The following CSMD1 variants were observed in gnomAD, a reference collection of about 807,000 sequenced individuals.
CSMD1 encodes the protein CUB and sushi domain-containing protein 1.
Under a neutral mutation model 417.5 loss-of-function variants are expected in CSMD1, and 213 were observed. The ratio of observed to expected loss-of-function variants is 0.51; its 90% confidence interval spans 0.46 to 0.57. The LOEUF (loss-of-function observed/expected upper bound fraction) is 0.57, where lower values mean the gene tolerates loss of function less well. CSMD1 is among the 20% of genes least tolerant of loss of function. CSMD1 has a pLI of 0.00. For missense variants in CSMD1, 6,923 were observed against 4,529.7 expected (o/e 1.53, Z -15.17); for synonymous variants, 2,862 against 1,736.8 (o/e 1.65, Z -16.11).
intron 5 of CSMD1, among the ~76,000 whole-genome samples, chr8:3,925,236 G>A (rs2554623): frequency 0.9 from 136,692 of 152,256 alleles, 61,539 homozygotes; most frequent in East Asian, 0.97. Context: ...GCTTTACAGC[G>A]ACCTATAAGT....
At chr8:3,589,363 T>C (rs1007931688) in intron 8 of CSMD1, among the ~76,000 whole-genome samples, 27 of 143,278 alleles carry the variant, frequency 1.9e-4, no homozygotes, top group African/African-American at 7.1e-4. Flanking sequence ...GACTGAGAAA[T>C]GGATAAAGAA....
At chr8:3,960,710 CT>C (rs1295164970) in intron 5 of CSMD1, among the ~76,000 whole-genome samples, 1 of 151,688 alleles carries the variant, frequency 6.6e-6, no homozygotes, top group Non-Finnish European at 1.5e-5. Context: ...AGATATATTT[CT>C]TTTTAAGGAT....
chr8:4,140,869 G>C (rs1647360), intron 3 of CSMD1, among the ~76,000 whole-genome samples: 30,257 of 150,778 alleles, frequency 0.2, 3,598 homozygotes, highest in East Asian at 0.3. Flanking sequence ...GAGGGCATTT[G>C]GGAGATTGCT....
Position 3,214,628 on chromosome 8 carries a change from T to C in CSMD1, c.4736A>G (p.Asp1579Gly). ...NIMNGTRVGT[D>G]FKLGSTITYQ... ...GGTGATGGTGGAGCCAAGCTTGAAG[T>C]CTGTTCCAACTCTTGTCCCATTCAT... The change falls in exon 30 of 70, where the codon GAC becomes GGC. Residue 1579 changes from aspartate (D) to glycine (G), a missense_variant. By Grantham distance (94) the Asp-to-Gly change is moderately conservative. Coordinates refer to ENST00000635120, the MANE Select transcript of CSMD1 (RefSeq NM_033225.6). The C allele has an allele frequency of 6.4e-7, 1 of 1,555,562 alleles. No individual in the cohort carries two copies. Among genetic ancestry groups the C allele is most frequent in the Non-Finnish European group, 8.7e-7 (1 of 1,149,012 alleles).
intron 5 of CSMD1, among the ~76,000 whole-genome samples, chr8:3,805,925 G>A (rs1301047337): frequency 6.6e-6 from 1 of 152,124 alleles, no homozygotes; most frequent in Non-Finnish European, 1.5e-5. Flanking sequence ...TCACCAGAAA[G>A]CACTGACACA....
chr8:3,434,559 T>A (rs573861143), intron 12 of CSMD1, among the ~76,000 whole-genome samples: 1 of 152,232 alleles, frequency 6.6e-6, no homozygotes, highest in Non-Finnish European at 1.5e-5. Context: ...TCCTTCTAAA[T>A]AGTGAACATA....
intron 3 of CSMD1, among the ~76,000 whole-genome samples, chr8:4,354,865 A>AGTGC (rs1554442743): frequency 7.7e-6 from 1 of 129,426 alleles, no homozygotes; most frequent in South Asian, 2.9e-4. Context: ...AGGAAAATGT[A>AGTGC]GTGTGTGTGT....
chr8:3,561,608 C>G (rs1007434788), intron 10 of CSMD1, among the ~76,000 whole-genome samples: 1 of 152,096 alleles, frequency 6.6e-6, no homozygotes, highest in African/African-American at 2.4e-5. Flanking sequence ...ACAACAGACA[C>G]TGGTCACTCC....
intron 3 of CSMD1, among the ~76,000 whole-genome samples, chr8:4,416,563 C>A (rs1275992580): frequency 6.6e-6 from 1 of 151,984 alleles, no homozygotes; most frequent in African/African-American, 2.4e-5. Flanking sequence ...CAACATTTAG[C>A]TTACGTTTTT....
chr8:4,783,391 G>A (rs904768984), intron 1 of CSMD1, among the ~76,000 whole-genome samples: 3 of 152,176 alleles, frequency 2.0e-5, no homozygotes, highest in Non-Finnish European at 4.4e-5. Context: ...GGCTGTTCCA[G>A]CTGAAACTAC....
chr8:4,869,911 G>C (rs1352498219), intron 1 of CSMD1, among the ~76,000 whole-genome samples: 1 of 151,830 alleles, frequency 6.6e-6, no homozygotes, highest in Non-Finnish European at 1.5e-5. Flanking sequence ...GAATTTTAGA[G>C]TATAAAAGTG....
At chr8:4,352,585 G>A (rs1476492234) in intron 3 of CSMD1, among the ~76,000 whole-genome samples, 1 of 152,206 alleles carries the variant, frequency 6.6e-6, no homozygotes, top group Non-Finnish European at 1.5e-5. Flanking sequence ...ACTTCATTTT[G>A]CAAGTAGCTA....
chr8:4,348,160 A>G (rs1014344913), intron 3 of CSMD1, among the ~76,000 whole-genome samples: 3 of 152,200 alleles, frequency 2.0e-5, no homozygotes, highest in Admixed American at 6.5e-5. Flanking sequence ...TTTTTAAAAC[A>G]TATTTACTGC....
At position 4,753,241 on chromosome 8, in the gene CSMD1, T is replaced by G. The variant is rs557276325; in HGVS notation, c.86-115683A>C. ...GCTCATTTGCTTTTTTCTGCTGTTC[T>G]GGGCTGAGTCACAAAAGAAAATTTC... is the stretch of plus-strand genomic sequence containing the variant. On this transcript the variant is annotated intron_variant, in intron 1 of 69. Transcript: ENST00000635120. Among the ~76,000 whole-genome samples, 34 of 151,908 alleles carry G rather than the reference T, an allele frequency of 2.2e-4. 1 individual carries two copies. The South Asian group carries it at 6.4e-3, about 29-fold the overall frequency.
At chr8:3,277,587 C>T (rs866032856) in intron 26 of CSMD1, among the ~76,000 whole-genome samples, 3 of 152,094 alleles carry the variant, frequency 2.0e-5, no homozygotes, top group Non-Finnish European at 4.4e-5. Context: ...GAGCCACTGG[C>T]AGGATGGAGT....
intron 2 of CSMD1, among the ~76,000 whole-genome samples, chr8:4,612,994 C>G (rs1480711210): frequency 6.6e-6 from 1 of 152,076 alleles, no homozygotes; most frequent in African/African-American, 2.4e-5. Context: ...AAACTGATCT[C>G]ATAACATTAG....
chr8:3,630,853 A>T (rs558861957), intron 7 of CSMD1, among the ~76,000 whole-genome samples: 1 of 152,190 alleles, frequency 6.6e-6, no homozygotes, highest in African/African-American at 2.4e-5. Context: ...CAGGCAACCA[A>T]GAGGAAACCT....
At chr8:3,093,322 C>T (rs1215013359) in intron 47 of CSMD1, among the ~76,000 whole-genome samples, 1 of 152,146 alleles carries the variant, frequency 6.6e-6, no homozygotes, top group Non-Finnish European at 1.5e-5. Flanking sequence ...GAGTCCCGCC[C>T]TTCTGACCCC....
chr8:4,863,012 G>T (rs1802227062), intron 1 of CSMD1, among the ~76,000 whole-genome samples: 1 of 152,036 alleles, frequency 6.6e-6, no homozygotes, highest in South Asian at 2.1e-4. Flanking sequence ...AGATCAAGGG[G>T]AACACACTCT....
Sources: allele counts gnomAD v4.1 joint callset (sites outside exome capture counted in the v4.1 genomes callset), GRCh38; gene constraint gnomAD v4.1.1; transcripts MANE v1.5; gene names NCBI Gene and HGNC (gene_info 2026-07-23, HGNC 2026-07-21).